The following GALNT17 variants were observed in gnomAD, a reference collection of about 807,000 sequenced individuals.
GALNT17 encodes UDP-GalNAc:polypeptide N-acetylgalactosaminyltransferase-like 3.
A neutral mutation model predicts 63.7 loss-of-function variants in GALNT17; 29 were observed. That is an observed-to-expected ratio of 0.46 (90% CI 0.34 to 0.62). GALNT17 has a LOEUF of 0.62. Among genes scored for constraint, GALNT17 ranks in the 20% least tolerant of loss-of-function variants. The pLI is 0.01. For synonymous variants in GALNT17, 305 were observed against 318.3 expected (o/e 0.96, Z 0.45); for missense variants, 603 against 799.6 (o/e 0.75, Z 2.97).
intron 1 of GALNT17, among the ~76,000 whole-genome samples, chr7:71,206,140 A>G (rs1789267300): frequency 6.8e-6 from 1 of 147,822 alleles, no homozygotes; most frequent in African/African-American, 2.5e-5. Flanking sequence ...GTGTGTGTAT[A>G]TATATATGAA....
At chr7:71,668,120 TG>T in intron 7 of GALNT17, among the ~76,000 whole-genome samples, 1 of 152,086 alleles carries the variant, frequency 6.6e-6, no homozygotes, top group East Asian at 1.9e-4. Context: ...CCTGGAATGG[TG>T]GTGTGACTTA....
At chr7:71,700,451 AACAG>A (rs1243339416) in intron 9 of GALNT17, among the ~76,000 whole-genome samples, 3 of 152,106 alleles carry the variant, frequency 2.0e-5, no homozygotes, top group East Asian at 3.9e-4. Flanking sequence ...TTCTCCACTC[AACAG>A]ACAGTGTGGT....
intron 1 of GALNT17, among the ~76,000 whole-genome samples, chr7:71,274,946 TG>T (rs1280251859): frequency 6.6e-6 from 1 of 152,154 alleles, no homozygotes; most frequent in Non-Finnish European, 1.5e-5. Context: ...TGCTTGGCCC[TG>T]GGGGGTCGAA....
At chr7:71,643,436 C>G (rs1344544775) in intron 6 of GALNT17, among the ~76,000 whole-genome samples, 2 of 152,104 alleles carry the variant, frequency 1.3e-5, no homozygotes, top group Non-Finnish European at 2.9e-5. Context: ...CCACTACACT[C>G]CAACCTGGGC....
chr7:71,318,411 C>CTTT (rs747726741), intron 1 of GALNT17, among the ~76,000 whole-genome samples: 3,778 of 134,256 alleles, frequency 0.028, 209 homozygotes, highest in African/African-American at 0.068. Context: ...CCCTGAAGCT[C>CTTT]TTTTTTTTTT....
chr7:71,133,055 C>A lies in GALNT17; in HGVS notation c.238+15C>A. The A allele has an allele frequency of 6.5e-7, 1 of 1,527,910 alleles. No homozygotes were observed. The allele number at this position is 1,527,910 out of a possible 1,614,324, so 94.6% of individuals were successfully genotyped here. A position where few individuals can be genotyped will look rare whatever the true frequency, so the allele number is the denominator to read the frequency against. On this transcript the variant is annotated intron_variant, in intron 1 of 10. Transcript: ENST00000333538. ...GCAGCTGAATGGTAAGGACGCACGC[C>A]GGCGCCTCCGGGGCTCGACGCGGGC...
In GALNT17 at chr7:71,678,446, A is replaced by T. The variant is rs151094081; in HGVS notation, c.1500+1140A>T. On this transcript the variant is annotated intron_variant, in intron 9 of 10. Transcript: ENST00000333538. Reference sequence around the variant, plus strand: ...GGCCAAGCACAGCCAAGCATTTTAAAGTCAAATTATCACCTGAGGTCAGGA... The same window carrying T: ...GGCCAAGCACAGCCAAGCATTTTAATGTCAAATTATCACCTGAGGTCAGGA... Among the ~76,000 whole-genome samples, 485 of 151,800 alleles carry T rather than the reference A, an allele frequency of 3.2e-3. 1 individual carries two copies. The highest frequency in any genetic ancestry group is 0.011 in the African/African-American group (463 of 41,436).
chr7:71,659,688 T>A (rs1041132173), intron 6 of GALNT17, among the ~76,000 whole-genome samples: 2 of 152,190 alleles, frequency 1.3e-5, no homozygotes, highest in African/African-American at 4.8e-5. Flanking sequence ...AGAGGGGAAA[T>A]AGGTTCAGCC....
At chr7:71,358,269 G>T (rs561702439) in intron 2 of GALNT17, among the ~76,000 whole-genome samples, 6 of 152,350 alleles carry the variant, frequency 3.9e-5, no homozygotes, top group East Asian at 3.9e-4. Context: ...GGTGGCAGGT[G>T]CCTGTAATCC....
chr7:71,255,473 G>A (rs58034721), intron 1 of GALNT17, among the ~76,000 whole-genome samples: 13,790 of 152,242 alleles, frequency 0.091, 1,035 homozygotes, highest in African/African-American at 0.21. Flanking sequence ...ATATGTCTTT[G>A]TCAGCAGTGT....
intron 1 of GALNT17, among the ~76,000 whole-genome samples, chr7:71,297,937 T>C (rs1251361195): frequency 6.6e-6 from 1 of 152,152 alleles, no homozygotes; most frequent in African/African-American, 2.4e-5. Flanking sequence ...GAAGGCACTT[T>C]TGTTGGGGAT....
At chr7:71,425,502 G>A (rs1202413544) in intron 5 of GALNT17, among the ~76,000 whole-genome samples, 1 of 152,154 alleles carries the variant, frequency 6.6e-6, no homozygotes, top group African/African-American at 2.4e-5. Flanking sequence ...GATTACAGGC[G>A]TGAGCCACTG....
chr7:71,267,932 TCTTTA>T (rs1309162729), intron 1 of GALNT17, among the ~76,000 whole-genome samples: 1 of 151,822 alleles, frequency 6.6e-6, no homozygotes, highest in Non-Finnish European at 1.5e-5. Context: ...ACTGCAGGTT[TCTTTA>T]CTTAAAAACA....
chr7:71,261,710 G>A (rs1790388775), intron 1 of GALNT17, among the ~76,000 whole-genome samples: 1 of 152,242 alleles, frequency 6.6e-6, no homozygotes, highest in African/African-American at 2.4e-5. Flanking sequence ...GACAGTGGTG[G>A]TGATCGTGAC....
At chr7:71,413,310 C>T (rs76661522) in intron 3 of GALNT17, among the ~76,000 whole-genome samples, 12,802 of 151,994 alleles carry the variant, frequency 0.084, 596 homozygotes, top group Middle Eastern at 0.19. Flanking sequence ...TTTTTTTGGG[C>T]GAGTGGGGGC....
At chr7:71,318,432 G>C (rs10228413) in intron 1 of GALNT17, among the ~76,000 whole-genome samples, 20,793 of 74,128 alleles carry the variant, frequency 0.28, 1,973 homozygotes, top group East Asian at 0.48. Flanking sequence ...GTGTGTGTGT[G>C]GGGGGTGGGA....
intron 5 of GALNT17, among the ~76,000 whole-genome samples, chr7:71,476,855 G>A (rs1193684852): frequency 6.6e-6 from 1 of 152,182 alleles, no homozygotes; most frequent in Non-Finnish European, 1.5e-5. Flanking sequence ...TCAGAGTCCT[G>A]TAAGGGACCT....
intron 3 of GALNT17, among the ~76,000 whole-genome samples, chr7:71,393,964 C>A (rs574412365): frequency 4.0e-5 from 6 of 150,268 alleles, no homozygotes; most frequent in Non-Finnish European, 8.8e-5. Flanking sequence ...CCTCCTGGTG[C>A]CCCGACACTA....
chr7:71,203,956 G>T (rs1224196090), intron 1 of GALNT17, among the ~76,000 whole-genome samples: 1 of 152,006 alleles, frequency 6.6e-6, no homozygotes, highest in Non-Finnish European at 1.5e-5. Flanking sequence ...TGCTTTTGTT[G>T]TCTGTGCTTT....
Sources: allele counts gnomAD v4.1 joint callset (sites outside exome capture counted in the v4.1 genomes callset), GRCh38; gene constraint gnomAD v4.1.1; transcripts MANE v1.5; gene names NCBI Gene and HGNC (gene_info 2026-07-23, HGNC 2026-07-21).